SLC5A9: variants seen among roughly 807,000 people sequenced by gnomAD.
SLC5A9 encodes the protein solute carrier family 5 member 9, also known as sodium/glucose cotransporter 4.
SLC5A9 carries 59 observed loss-of-function variants against 70.9 expected under a neutral mutation model. The ratio of observed to expected loss-of-function variants is 0.83; its 90% CI spans 0.68 to 1.03. The LOEUF is 1.03. Ranked by LOEUF, SLC5A9 falls within the 50% of genes least tolerant of loss-of-function variation. SLC5A9 has a pLI of 0.00. For missense variants in SLC5A9, 832 were observed against 881.1 expected, an observed-to-expected ratio of 0.94 and a Z score of 0.71; for synonymous variants, 340 against 346.5, an observed-to-expected ratio of 0.98 and a Z score of 0.21.
At chr1:48,246,642 T>C (rs956488137) in intron 13 of SLC5A9, among the ~76,000 whole-genome samples, 6 of 152,314 alleles carry the variant, frequency 3.9e-5, no homozygotes, top group Middle Eastern at 3.4e-3. Flanking sequence ...CGTGTCTGCA[T>C]GGGTTCGGTC....
intron 4 of SLC5A9, chr1:48,229,710 T>G: frequency 1.8e-6 from 1 of 550,616 alleles, no homozygotes; most frequent in South Asian, 2.9e-5. Context: ...CATTCATTTA[T>G]TTTTTCATTA....
chr1:48,234,446 C>A (rs1644299615), intron 9 of SLC5A9, among the ~76,000 whole-genome samples: 1 of 152,108 alleles, frequency 6.6e-6, no homozygotes, highest in Non-Finnish European at 1.5e-5. Context: ...CTGTACGAGG[C>A]AGGCTTGTGG....
At position 48,235,824 on chromosome 1, in the gene SLC5A9, G is replaced by C. The variant is rs372937766; in HGVS notation, c.1237G>C (p.Val413Leu). The change falls in exon 10 of 14, where the codon GTG becomes CTG. Residue 413 changes from valine to leucine, a missense_variant. Transcript: ENST00000438567. ...CAGCAGCACCCTGTTCACCATTGAT[G>C]TGTGGCAGCGCTTCCGCAGGAAGTC... ...NSSSTLFTIDVWQRFRRKSTE... is the reference protein window; with the variant it reads ...NSSSTLFTIDLWQRFRRKSTE... 5.9e-5 allele frequency: 96 copies of C among 1,614,102 alleles called. No homozygotes were observed. The highest frequency in any genetic ancestry group is 7.9e-5 in the Non-Finnish European group (93 of 1,180,056).
intron 1 of SLC5A9, 63 bp from the exon 2 acceptor site, chr1:48,224,660 GA>G: frequency 6.5e-7 from 1 of 1,536,556 alleles, no homozygotes; most frequent in East Asian, 2.3e-5. Context: ...AATCTGCGGG[GA>G]GGGGGCAGGG....
At chr1:48,244,736 ATATATATAAATTATATTTATAT>A (rs1357787360) in intron 13 of SLC5A9, among the ~76,000 whole-genome samples, 437 of 21,976 alleles carry the variant, frequency 0.02, 10 homozygotes, top group African/African-American at 0.048. Context: ...AAAATATATA[ATATATATAAATTATATTTATAT>A]TATATATAAA....
chr1:48,234,279 T>G lies in SLC5A9; in HGVS notation c.1141+517T>G, dbSNP rs530771130. On this transcript the variant is annotated intron_variant, in intron 9 of 13. Transcript: ENST00000438567. ...AGTCTGAATTGAAAGCAGCCCAGTGTGGACGCAAGAGCCAGGAGGAAGGAA... is the reference window on the plus strand; with the variant it reads ...AGTCTGAATTGAAAGCAGCCCAGTGGGGACGCAAGAGCCAGGAGGAAGGAA... Among the ~76,000 whole-genome samples, 197 of 152,276 alleles carry G rather than the reference T, an allele frequency of 1.3e-3. 1 individual carries two copies. Among genetic ancestry groups the G allele is most frequent in the Non-Finnish European group, 2.4e-3 (161 of 68,016 alleles).
chr1:48,232,165 C>T lies in SLC5A9; in HGVS notation c.897+14C>T. ...TGCACAGACCAGGTAATCCCCCAGC[C>T]AGGCTTAGCCCAGCCTGCCAGGAAG... On this transcript the variant is annotated intron_variant, in intron 7 of 13. Coordinates refer to ENST00000438567, the MANE Select transcript of SLC5A9 (RefSeq NM_001011547.3). 1 of 1,601,606 alleles carries T rather than the reference C, an allele frequency of 6.2e-7. No individual in the cohort carries two copies. Among genetic ancestry groups the T allele is most frequent in the Non-Finnish European group, 8.5e-7 (1 of 1,171,408 alleles).
chr1:48,242,326 A>C, intron 12 of SLC5A9, 131 bp from the exon 13 acceptor site: 1 of 1,070,730 alleles, frequency 9.3e-7, no homozygotes, highest in Non-Finnish European at 1.3e-6. Flanking sequence ...GGGCCTCCTG[A>C]CTCCCAGCCC....
chr1:48,229,746 C>A (rs1179922667), intron 4 of SLC5A9, among the ~76,000 whole-genome samples: 2 of 152,198 alleles, frequency 1.3e-5, no homozygotes, highest in Admixed American at 1.3e-4. Context: ...ATCAACTGTA[C>A]ATTAGTTGCC....
At chr1:48,241,851 C>T (rs1644395074) in intron 12 of SLC5A9, 1 of 448,450 alleles carries the variant, frequency 2.2e-6, no homozygotes, top group African/African-American at 2.0e-5. Flanking sequence ...AGGCAGGAAC[C>T]CTGGAGCCAT....
Position 48,242,595 on chromosome 1 carries a change from C to T in SLC5A9, c.1816C>T (p.Leu606=), listed in dbSNP as rs774841149. 2 of 1,611,944 alleles carry T rather than the reference C, an allele frequency of 1.2e-6. No homozygotes were observed. The highest frequency in any genetic ancestry group is 4.5e-5 in the East Asian group (2 of 44,818). ...AGGTGGAGCGGCAGAGAACTCGAGC[C>T]TGGGCCAGGAGCAGCCTGAAGGTAG... ...AGGGAAENSS[L]GQEQPEAPSR... is the part of the protein sequence containing the mutation. The change falls in exon 13 of 14, where the codon CTG becomes TTG. Residue 606 remains leucine, a synonymous_variant. Coordinates refer to ENST00000438567, the MANE Select transcript of SLC5A9 (RefSeq NM_001011547.3).
At position 48,231,810 on chromosome 1, in the gene SLC5A9, A is replaced by G. The variant is rs932580229; in HGVS notation, c.692-136A>G. On this transcript the variant is annotated intron_variant, in intron 6 of 13. Coordinates refer to ENST00000438567, the MANE Select transcript of SLC5A9 (RefSeq NM_001011547.3). ...ACTTCAAACCAAGGGTCTTGAGCCC[A>G]AGCCCCATCTTCCTCCTTCACCCCC... is the stretch of plus-strand genomic sequence containing the variant. 30 of 1,521,248 alleles carry G rather than the reference A, an allele frequency of 2.0e-5. No individual in the cohort carries two copies. In the African/African-American group the frequency reaches 3.0e-4, roughly 15 times the overall value. The allele number at this position is 1,521,248 out of a possible 1,614,324, so 94.2% of individuals were successfully genotyped here.
intron 8 of SLC5A9, 73 bp from the exon 9 acceptor site, chr1:48,233,582 T>C: frequency 1.7e-6 from 2 of 1,180,676 alleles, no homozygotes. Flanking sequence ...CCTGTAGTTT[T>C]GGAAAGCAAA....
chr1:48,244,909 T>TATATATATATA (rs1291048314), intron 13 of SLC5A9, among the ~76,000 whole-genome samples: 1 of 114,548 alleles, frequency 8.7e-6, no homozygotes, highest in Non-Finnish European at 1.8e-5. Context: ...TATATATATA[T>TATATATATATA]AAAACCTCTG....
chr1:48,224,658 G>C (rs1161226889), intron 1 of SLC5A9, 66 bp from the exon 2 acceptor site: 1 of 1,529,908 alleles, frequency 6.5e-7, no homozygotes, highest in African/African-American at 1.4e-5. Context: ...GAAATCTGCG[G>C]GGAGGGGGCA....
Position 48,237,767 on chromosome 1 carries a change from C to T in SLC5A9, c.1381C>T (p.Gln461Ter). Residue 461 changes from glutamine (Q) to a stop codon, truncating the protein, a stop_gained, in exon 11 of 14, where the codon CAG (glutamine) becomes TAG (stop). Transcript: ENST00000438567. LOFTEE classifies it high-confidence loss of function. Reference sequence around the variant, plus strand: ...CAGTGGGCAGCTCTTCGACTACATCCAGGCTGTCACCAGTTACCTGGCCCC... The same window carrying T: ...CAGTGGGCAGCTCTTCGACTACATCTAGGCTGTCACCAGTTACCTGGCCCC... ...SNSGQLFDYI[Q>*]AVTSYLAPPI... 2 of 1,614,144 alleles carry T rather than the reference C, an allele frequency of 1.2e-6. No individual in the cohort carries two copies. Among genetic ancestry groups the T allele is most frequent in the Non-Finnish European group, 1.7e-6 (2 of 1,180,038 alleles).
In SLC5A9 at chr1:48,229,307, C is replaced by T; in HGVS notation, c.352C>T (p.Leu118Phe). 1.9e-6 allele frequency: 3 copies of T among 1,614,212 alleles called. No homozygotes were observed. The highest frequency in any genetic ancestry group is 2.5e-6 in the Non-Finnish European group (3 of 1,180,046). The change falls in exon 4 of 14, where the codon CTC (leucine) becomes TTC (phenylalanine). Residue 118 changes from leucine (L) to phenylalanine (F), a missense_variant. Transcript: ENST00000438567. ...CCCACTCTCCCAGGCAACCTGGCTG[C>T]TCCTGGCCCTTGGCTGGGTCTTCGT... is the stretch of plus-strand genomic sequence containing the variant. The part of the protein sequence containing the change: ...GGFEWNATWL[L>F]LALGWVFVPV...
chr1:48,244,853 TGTGTGTGTGTATGTATGTGTATGTG>T (rs1237218698), intron 13 of SLC5A9, among the ~76,000 whole-genome samples: 4 of 78,416 alleles, frequency 5.1e-5, no homozygotes, highest in East Asian at 3.7e-4. Flanking sequence ...ATATAAAACC[TGTGTGTGTGTATGTATGTGTATGTG>T]TATATATATA....
intron 2 of SLC5A9, among the ~76,000 whole-genome samples, chr1:48,227,624 TG>T (rs1348168141): frequency 6.6e-6 from 1 of 150,392 alleles, no homozygotes; most frequent in African/African-American, 2.4e-5. Context: ...TGTGCATGTG[TG>T]AGAGTGTGTG....
Sources: allele counts gnomAD v4.1 joint callset (sites outside exome capture counted in the v4.1 genomes callset), GRCh38; gene constraint gnomAD v4.1.1; transcripts MANE v1.5; gene names NCBI Gene and HGNC (gene_info 2026-07-23, HGNC 2026-07-21).